Variants in FGFR2 observed in about 807,000 individuals in gnomAD.
The protein encoded by FGFR2 is fibroblast growth factor receptor 2.
A neutral mutation model predicts 95.9 loss-of-function variants in FGFR2; 19 were observed. That is an observed-to-expected ratio of 0.20 (90% CI 0.14 to 0.29). The LOEUF is 0.29. Ranked by LOEUF, FGFR2 falls within the 10% of genes least tolerant of loss-of-function variation. FGFR2 has a pLI of 1.00. For missense variants in FGFR2, 707 were observed against 1,056.9 expected (o/e 0.67, Z 4.59); for synonymous variants, 392 against 393.3 (o/e 1.00, Z 0.04).
At chr10:121,537,507 T>C (rs1853024686) in intron 6 of FGFR2, among the ~76,000 whole-genome samples, 1 of 152,216 alleles carries the variant, frequency 6.6e-6, no homozygotes, top group Admixed American at 6.5e-5. Context: ...GGTCTCCCTC[T>C]TCAAAGATGT....
chr10:121,544,443 TAAAA>T (rs753310814), intron 5 of FGFR2, among the ~76,000 whole-genome samples: 2 of 106,236 alleles, frequency 1.9e-5, no homozygotes, highest in African/African-American at 6.7e-5. Flanking sequence ...AACTCCGTCT[TAAAA>T]AAAAAAAAAA....
In FGFR2 at chr10:121,591,551, C is replaced by G. The variant is rs35492739; in HGVS notation, c.109+2158G>C. On this transcript the variant is annotated intron_variant, in intron 2 of 17. Transcript: ENST00000358487. ...TTCAATGACTATTAATGAAGAGACCCTAAAGATCATCTTCTTAAGCCCTCA... is the reference window on the plus strand; with the variant it reads ...TTCAATGACTATTAATGAAGAGACCGTAAAGATCATCTTCTTAAGCCCTCA... 2.0e-5 allele frequency among the ~76,000 whole-genome samples: 3 copies of G among 152,292 alleles called. No homozygotes were observed. In the East Asian group the frequency reaches 5.8e-4, roughly 29 times the overall value.
intron 4 of FGFR2, among the ~76,000 whole-genome samples, chr10:121,561,901 C>T (rs1030379609): frequency 1.3e-5 from 2 of 152,172 alleles, no homozygotes; most frequent in African/African-American, 4.8e-5. Flanking sequence ...GACATCTCAC[C>T]AAAGAAGATA....
chr10:121,553,818 T>C (rs1310786557), intron 4 of FGFR2, among the ~76,000 whole-genome samples: 1 of 151,588 alleles, frequency 6.6e-6, no homozygotes, highest in East Asian at 1.9e-4. Context: ...AAAAAAAAAG[T>C]GGGATTTAGC....
At chr10:121,490,352 T>C (rs1312809408) in intron 13 of FGFR2, among the ~76,000 whole-genome samples, 1 of 151,938 alleles carries the variant, frequency 6.6e-6, no homozygotes, top group Non-Finnish European at 1.5e-5. Flanking sequence ...TTGGTAGAGA[T>C]AGGGTTTCAC....
intron 2 of FGFR2, among the ~76,000 whole-genome samples, chr10:121,593,234 T>C (rs1289813737): frequency 6.6e-6 from 1 of 152,232 alleles, no homozygotes; most frequent in Non-Finnish European, 1.5e-5. Flanking sequence ...TCTCTCTCTG[T>C]GCTAAACTTC....
chr10:121,494,692 AC>A lies in FGFR2; in HGVS notation c.1863+1839del, dbSNP rs540129298. Reference sequence around the variant, plus strand: ...ACTTGCTGTCTCCATGTCCTGCCCCACCTGCCCCCACACACATACACACTTG... The same window carrying A: ...ACTTGCTGTCTCCATGTCCTGCCCCACTGCCCCCACACACATACACACTTG... On this transcript the variant is annotated intron_variant, in intron 13 of 17. Transcript: ENST00000358487. Among the ~76,000 whole-genome samples the A allele has an allele frequency of 1.8e-3, 278 of 152,142 alleles. 1 individual carries two copies. The highest frequency in any genetic ancestry group is 8.7e-4 in the Non-Finnish European group (59 of 67,986).
rs762804005 is a variant in FGFR2, at chr10:121,520,000, C to T, written c.918G>A (p.Leu306=). ...TCACCTTGAGAACCTTGAGGTAGGG[C>T]AGCCCGTCGGGCCCGTATTTACTGC... is the stretch of plus-strand genomic sequence containing the variant. ...KNGSKYGPDG[L]PYLKVLKAAG... is the part of the protein sequence containing the mutation. Residue 306 remains leucine, a synonymous_variant, in exon 7 of 18, where the codon CTG becomes CTA. Transcript: ENST00000358487. 7.4e-6 allele frequency: 12 copies of T among 1,614,104 alleles called. No individual in the cohort carries two copies. Among genetic ancestry groups the T allele is most frequent in the African/African-American group, 2.7e-5 (2 of 74,938 alleles).
intron 12 of FGFR2, 91 bp from the exon 13 acceptor site, chr10:121,496,813 T>A (rs758823814): frequency 8.7e-7 from 1 of 1,153,670 alleles, no homozygotes; most frequent in Non-Finnish European, 1.3e-6. Flanking sequence ...TTACAACCCA[T>A]GCTTTTTTTT....
At chr10:121,548,883 C>CT (rs959628451) in intron 5 of FGFR2, among the ~76,000 whole-genome samples, 135 of 150,236 alleles carry the variant, frequency 9.0e-4, no homozygotes, top group African/African-American at 2.8e-3. Context: ...AAATCCTTAA[C>CT]TTTTTTTTTT....
chr10:121,588,352 G>A (rs1000049605), intron 2 of FGFR2, among the ~76,000 whole-genome samples: 1 of 151,630 alleles, frequency 6.6e-6, no homozygotes, highest in Non-Finnish European at 1.5e-5. Context: ...CATGACACGA[G>A]TTTACCTACA....
intron 6 of FGFR2, among the ~76,000 whole-genome samples, chr10:121,532,029 C>A (rs189919575): frequency 6.6e-6 from 1 of 152,218 alleles, no homozygotes; most frequent in Non-Finnish European, 1.5e-5. Flanking sequence ...TTTCTGCCCC[C>A]CTCCGGTGAG....
At chr10:121,538,313 C>G (rs1853156224) in intron 6 of FGFR2, 1 of 777,436 alleles carries the variant, frequency 1.3e-6, no homozygotes, top group Non-Finnish European at 2.4e-6. Context: ...AGAGTAATCT[C>G]AGCTTCCAAA....
At chr10:121,590,987 G>A (rs766331960) in intron 2 of FGFR2, among the ~76,000 whole-genome samples, 7 of 148,292 alleles carry the variant, frequency 4.7e-5, no homozygotes, top group Admixed American at 6.7e-5. Flanking sequence ...ACGCGCACTC[G>A]CGCACACACA....
chr10:121,497,332 A>AT (rs1427014556), intron 12 of FGFR2, among the ~76,000 whole-genome samples: 1 of 152,004 alleles, frequency 6.6e-6, no homozygotes, highest in Non-Finnish European at 1.5e-5. Flanking sequence ...AAAGCAATGG[A>AT]TCCCTCCACT....
chr10:121,486,349 CT>C (rs1299414973), intron 15 of FGFR2, among the ~76,000 whole-genome samples: 1 of 152,046 alleles, frequency 6.6e-6, no homozygotes, highest in Non-Finnish European at 1.5e-5. Flanking sequence ...ATAGTCATGT[CT>C]TTTTTTTAGG....
intron 2 of FGFR2, among the ~76,000 whole-genome samples, chr10:121,587,828 G>A (rs45631637): frequency 6.8e-4 from 103 of 152,340 alleles, no homozygotes; most frequent in Non-Finnish European, 1.2e-3. Flanking sequence ...GTGGAAAGCC[G>A]TGTGGCGATT....
At chr10:121,513,597 G>A (rs539996304) in intron 9 of FGFR2, among the ~76,000 whole-genome samples, 1 of 152,236 alleles carries the variant, frequency 6.6e-6, no homozygotes, top group East Asian at 1.9e-4. Context: ...CCATGTAAGA[G>A]TTATCTCAGG....
At chr10:121,503,455 A>G (rs2912756) in intron 10 of FGFR2, among the ~76,000 whole-genome samples, 148,568 of 152,286 alleles carry the variant, frequency 0.98, 72,564 homozygotes, top group Middle Eastern at 1. Flanking sequence ...ACCAAAAGCT[A>G]GAATGTCAGA....
Sources: gnomAD v4.1 joint callset for allele counts (sites outside exome capture counted in the v4.1 genomes callset) on GRCh38, gnomAD v4.1.1 for gene constraint, MANE v1.5 for transcripts, NCBI Gene and HGNC (gene_info 2026-07-23, HGNC 2026-07-21) for gene names.